AK5: variants seen among roughly 807,000 people sequenced by gnomAD.
AK5 encodes the protein adenylate kinase isoenzyme 5.
A neutral mutation model predicts 69.5 loss-of-function variants in AK5; 27 were observed. The observed-to-expected ratio is 0.39, with a 90% CI of 0.29 to 0.54. The LOEUF is 0.54. Among genes scored for constraint, AK5 ranks in the 20% least tolerant of loss-of-function variants. The probability of loss-of-function intolerance (pLI) is 0.71; values close to 1 mark genes in which losing one functional copy is unlikely to be tolerated. For synonymous variants in AK5, 260 were observed against 244.4 expected (o/e 1.06, Z -0.60); for missense variants, 531 against 700.4 (o/e 0.76, Z 2.73).
chr1:77,329,793 C>A (rs1660992679), intron 5 of AK5, among the ~76,000 whole-genome samples: 1 of 152,124 alleles, frequency 6.6e-6, no homozygotes, highest in Non-Finnish European at 1.5e-5. Context: ...CCTAATTTCA[C>A]CCCCAGTCTC....
chr1:77,543,179 G>A (rs4949808), intron 13 of AK5, among the ~76,000 whole-genome samples: 92,063 of 151,998 alleles, frequency 0.61, 30,597 homozygotes, highest in Non-Finnish European at 0.74. Context: ...TGCAGTTTCT[G>A]GTATTACTGA....
intron 10 of AK5, among the ~76,000 whole-genome samples, chr1:77,504,689 TTGAACG>T (rs1486947229): frequency 6.6e-6 from 1 of 152,268 alleles, no homozygotes; most frequent in East Asian, 1.9e-4. Context: ...GATCAGAAAA[TTGAACG>T]TGACCAGAAC....
Position 77,293,417 on chromosome 1 carries a change from A to G in AK5, c.248-376A>G, listed in dbSNP as rs949510945. The G allele has an allele frequency of 3.4e-5, 6 of 175,776 alleles. 1 individual carries two copies. In the South Asian group the frequency reaches 6.0e-4, roughly 18 times the overall value. 10.9% of individuals were successfully genotyped at this position (175,776 alleles called of 1,614,324 possible). On this transcript the variant is annotated intron_variant, in intron 2 of 13. Transcript: ENST00000354567. ...CGATGTATACAACCTACCAAACAAG[A>G]CTAGGCAGTATCTGAGAAGGTTCCT...
At chr1:77,434,968 C>T (rs1431577177) in intron 8 of AK5, among the ~76,000 whole-genome samples, 1 of 152,136 alleles carries the variant, frequency 6.6e-6, no homozygotes, top group East Asian at 1.9e-4. Context: ...ACAATTCAAA[C>T]ATATCAAGAA....
chr1:77,515,909 T>C (rs1438669514), intron 10 of AK5, among the ~76,000 whole-genome samples: 4 of 151,882 alleles, frequency 2.6e-5, no homozygotes, highest in African/African-American at 7.3e-5. Flanking sequence ...GAAAATTAGC[T>C]GGGTGTGGTG....
In AK5 at chr1:77,296,525, A is replaced by G. The variant is rs545703199; in HGVS notation, c.416-1034A>G. On this transcript the variant is annotated intron_variant, in intron 3 of 13. Coordinates refer to ENST00000354567, the MANE Select transcript of AK5 (RefSeq NM_174858.3). ...AAATTTTTTTTCTTGAAAGTACAAT[A>G]ACATTCTCAATGTGTCTGAATTTTT... is the stretch of plus-strand genomic sequence containing the variant. Among the ~76,000 whole-genome samples, 27 of 152,208 alleles carry G rather than the reference A, an allele frequency of 1.8e-4. No individual in the cohort carries two copies. In the East Asian group the frequency reaches 5.0e-3, roughly 28 times the overall value.
chr1:77,424,244 G>A (rs574485902), intron 8 of AK5, among the ~76,000 whole-genome samples: 3 of 152,284 alleles, frequency 2.0e-5, no homozygotes, highest in Admixed American at 1.3e-4. Flanking sequence ...AGGAATGTGG[G>A]TCATCAGACC....
At chr1:77,474,181 T>C (rs180998373) in intron 8 of AK5, among the ~76,000 whole-genome samples, 1 of 152,328 alleles carries the variant, frequency 6.6e-6, no homozygotes, top group East Asian at 1.9e-4. Context: ...ATAGTAGCTA[T>C]AGATAGCAAC....
At chr1:77,446,400 G>A (rs1652755749) in intron 8 of AK5, among the ~76,000 whole-genome samples, 1 of 152,018 alleles carries the variant, frequency 6.6e-6, no homozygotes. Context: ...GAATTGCTTT[G>A]GGTATTCAGG....
chr1:77,537,328 A>C (rs1659024724), intron 13 of AK5, among the ~76,000 whole-genome samples: 1 of 152,080 alleles, frequency 6.6e-6, no homozygotes, highest in Non-Finnish European at 1.5e-5. Context: ...AAAGAGGGTT[A>C]AGAGATGGAG....
intron 12 of AK5, among the ~76,000 whole-genome samples, chr1:77,529,596 T>C (rs1339734706): frequency 6.6e-6 from 1 of 152,222 alleles, no homozygotes; most frequent in Non-Finnish European, 1.5e-5. Context: ...GTGCAGGGAC[T>C]ATAGGCGTGA....
chr1:77,322,719 C>G (rs1660598837), intron 5 of AK5, among the ~76,000 whole-genome samples: 1 of 152,062 alleles, frequency 6.6e-6, no homozygotes, highest in Non-Finnish European at 1.5e-5. Context: ...ACCTTACTGT[C>G]TTTTCTCCAG....
At chr1:77,283,071 C>A (rs1464567803) in intron 1 of AK5, 1 of 985,522 alleles carries the variant, frequency 1.0e-6, no homozygotes, top group Non-Finnish European at 1.2e-6. Flanking sequence ...GCGAGGGGGG[C>A]GGACTCCTGT....
chr1:77,428,868 C>T (rs1376654241), intron 8 of AK5, among the ~76,000 whole-genome samples: 1 of 152,002 alleles, frequency 6.6e-6, no homozygotes, highest in Non-Finnish European at 1.5e-5. Context: ...GTTTTTTGTC[C>T]TTGCGATAGT....
chr1:77,362,805 T>C (rs1237669037), intron 6 of AK5, among the ~76,000 whole-genome samples: 1 of 152,218 alleles, frequency 6.6e-6, no homozygotes, highest in African/African-American at 2.4e-5. Flanking sequence ...GCTGGTAATA[T>C]AAATTGCTGC....
chr1:77,452,864 A>G (rs948350104), intron 8 of AK5, among the ~76,000 whole-genome samples: 2 of 152,218 alleles, frequency 1.3e-5, no homozygotes, highest in African/African-American at 4.8e-5. Flanking sequence ...GAACATATCC[A>G]TTTATCTTCC....
At chr1:77,345,922 C>T (rs1661893118) in intron 6 of AK5, 1 of 152,184 alleles carries the variant, frequency 6.6e-6, no homozygotes, top group African/African-American at 2.4e-5. Context: ...TAATAGCCTA[C>T]TGTCAACCAG....
chr1:77,394,177 T>C (rs1277065150), intron 6 of AK5, among the ~76,000 whole-genome samples: 2 of 149,640 alleles, frequency 1.3e-5, no homozygotes, highest in Non-Finnish European at 3.0e-5. Flanking sequence ...ATCATGCCAC[T>C]GCACTCCAAC....
At chr1:77,303,288 G>A (rs549395317) in intron 5 of AK5, among the ~76,000 whole-genome samples, 97 of 152,170 alleles carry the variant, frequency 6.4e-4, no homozygotes, top group African/African-American at 2.2e-3. Context: ...AAATTGTTAA[G>A]GACCTCAAAA....
Sources: gnomAD v4.1 joint callset for allele counts (sites outside exome capture counted in the v4.1 genomes callset) on GRCh38, gnomAD v4.1.1 for gene constraint, MANE v1.5 for transcripts, NCBI Gene and HGNC (gene_info 2026-07-23, HGNC 2026-07-21) for gene names.